Variants in PCDHGB4 observed in about 807,000 individuals in gnomAD.
PCDHGB4 encodes protocadherin gamma subfamily B, 4.
PCDHGB4 carries 38 observed loss-of-function variants against 60.5 expected under a neutral mutation model. The ratio of observed to expected loss-of-function variants is 0.63; its 90% CI spans 0.48 to 0.82. PCDHGB4 has a LOEUF of 0.82. PCDHGB4 is among the 40% of genes least tolerant of loss of function. The probability of loss-of-function intolerance (pLI) is 0.00; values close to 1 mark genes in which losing one functional copy is unlikely to be tolerated. For missense variants in PCDHGB4, 1,109 were observed against 1,209.6 expected, an observed-to-expected ratio of 0.92 and a Z score of 1.23; for synonymous variants, 456 against 509.7, an observed-to-expected ratio of 0.89 and a Z score of 1.42.
intron 1 of PCDHGB4, chr5:141,433,358 CCTATCTATCTAT>C (rs3074541): frequency 0.01 from 5,256 of 504,010 alleles, 38 homozygotes; most frequent in Non-Finnish European, 0.014. Flanking sequence ...CTACTGTCTG[CCTATCTATCTAT>C]CTATCTATCT....
chr5:141,512,942 C>T lies in PCDHGB4; in HGVS notation c.*1769C>T, dbSNP rs1596321854. 3.3e-5 allele frequency: 5 copies of T among 151,644 alleles called. No individual in the cohort carries two copies. The South Asian group carries it at 1.0e-3, about 32-fold the overall frequency. The allele number at this position is 151,644 out of a possible 1,614,324, so 9.4% of individuals were successfully genotyped here. On this transcript the variant is annotated 3_prime_UTR_variant, in exon 4 of 4. Transcript: ENST00000519479. Reference sequence around the variant, plus strand: ...TAATATTTATATGGCTTTTTTTCTTCGACAAAAAAATAATAAAACGTTTCT... The same window carrying T: ...TAATATTTATATGGCTTTTTTTCTTTGACAAAAAAATAATAAAACGTTTCT...
At position 141,491,305 on chromosome 5, in the gene PCDHGB4, G is replaced by T. The variant is rs1461861151; in HGVS notation, c.2398-3502G>T. 6.2e-7 allele frequency: 1 copy of T among 1,614,176 alleles called. No homozygotes were observed. Among genetic ancestry groups the T allele is most frequent in the African/African-American group, 1.3e-5 (1 of 75,048 alleles). ...CCTCATACACCCTCCTGAGCGTTCA[G>T]ACCTTACCCTTTACCTCATTGTGGC... On this transcript the variant is annotated intron_variant, in intron 1 of 3. Coordinates refer to ENST00000519479, the MANE Select transcript of PCDHGB4 (RefSeq NM_003736.4). This position sits in a 1 kb window ranked among gnomAD's most constrained non-coding sequence, Gnocchi z 6.9.
chr5:141,415,411 G>A (rs754595054), intron 1 of PCDHGB4: 45 of 1,614,112 alleles, frequency 2.8e-5, no homozygotes, highest in Non-Finnish European at 3.6e-5. Context: ...GCACTTTGTG[G>A]GCGTGGACGG....
intron 1 of PCDHGB4, chr5:141,419,960 G>A (rs773071584): frequency 5.0e-6 from 8 of 1,613,960 alleles, no homozygotes; most frequent in South Asian, 4.4e-5. Context: ...CTTGATTTCT[G>A]TGCTCTTTCT....
At chr5:141,423,722 GT>G in intron 1 of PCDHGB4, 1 of 954,176 alleles carries the variant, frequency 1.0e-6, no homozygotes, top group Admixed American at 5.1e-5. Flanking sequence ...TTAAGGAGAT[GT>G]TTTTTGAGCC....
At chr5:141,435,863 C>T (rs772361494) in intron 1 of PCDHGB4, among the ~76,000 whole-genome samples, 16 of 151,882 alleles carry the variant, frequency 1.1e-4, no homozygotes, top group Non-Finnish European at 2.2e-4. Context: ...TAGTTAAAAC[C>T]CAGAAAAGAG....
Position 141,400,079 on chromosome 5 carries a change from C to G in PCDHGB4, c.2397+9798C>G, listed in dbSNP as rs1377742612. On this transcript the variant is annotated intron_variant, in intron 1 of 3. Coordinates refer to ENST00000519479, the MANE Select transcript of PCDHGB4 (RefSeq NM_003736.4). ...CGTGATGGTGGACAGCCGCCACTCT[C>G]CGCCACCGCCACGCTGCACTTGGTC... 2.5e-6 allele frequency: 4 copies of G among 1,613,924 alleles called. No individual in the cohort carries two copies. In the East Asian group the frequency reaches 6.7e-5, roughly 27 times the overall value.
intron 1 of PCDHGB4, among the ~76,000 whole-genome samples, chr5:141,466,443 C>T (rs906096545): frequency 6.6e-6 from 1 of 152,186 alleles, no homozygotes; most frequent in African/African-American, 2.4e-5. Context: ...ACCGAGATGT[C>T]TATGGTGTTG....
chr5:141,423,864 G>A (rs180692491), intron 1 of PCDHGB4: 551 of 1,284,224 alleles, frequency 4.3e-4, no homozygotes, highest in Non-Finnish European at 5.0e-4. Context: ...TTTTGTGAAA[G>A]TCATTTTTCA....
intron 1 of PCDHGB4, chr5:141,441,038 G>A (rs1263659082): frequency 6.6e-6 from 1 of 152,156 alleles, no homozygotes; most frequent in African/African-American, 2.4e-5. Context: ...AAAACTTTAA[G>A]TACATTGGAC....
chr5:141,401,010 G>A (rs62378449), intron 1 of PCDHGB4, among the ~76,000 whole-genome samples: 17,448 of 152,052 alleles, frequency 0.11, 1,158 homozygotes, highest in African/African-American at 0.18. Context: ...CCTACCTAAT[G>A]GATTTATGAT....
At chr5:141,434,080 A>G (rs775751994) in intron 1 of PCDHGB4, among the ~76,000 whole-genome samples, 2 of 152,042 alleles carry the variant, frequency 1.3e-5, no homozygotes, top group Non-Finnish European at 2.9e-5. Flanking sequence ...TCAATTATTT[A>G]TTTTGATGCT....
At chr5:141,414,740 G>A (rs776833780) in intron 1 of PCDHGB4, 1 of 1,614,208 alleles carries the variant, frequency 6.2e-7, no homozygotes, top group South Asian at 1.1e-5. Flanking sequence ...TATGCACTCA[G>A]ATCCTTCGAC....
chr5:141,420,769 C>T (rs2096524721), intron 1 of PCDHGB4, among the ~76,000 whole-genome samples: 1 of 152,212 alleles, frequency 6.6e-6, no homozygotes, highest in Admixed American at 6.5e-5. Flanking sequence ...AAGTTTTCAG[C>T]TCCAGTAATA....
Position 141,433,059 on chromosome 5 carries a change from A to G in PCDHGB4, c.2397+42778A>G, listed in dbSNP as rs745951077. 1.1e-5 allele frequency: 18 copies of G among 1,614,000 alleles called. No individual in the cohort carries two copies. In the East Asian group the frequency reaches 3.8e-4, roughly 34 times the overall value. On this transcript the variant is annotated intron_variant, in intron 1 of 3. Transcript: ENST00000519479. ...CTCACCACGGACTCGCGGAAGAGTC[A>G]CCTGATCTTCCCCCAGCCCAACTAT...
intron 1 of PCDHGB4, chr5:141,399,493 A>G (rs2093820399): frequency 1.2e-6 from 2 of 1,614,036 alleles, no homozygotes; most frequent in African/African-American, 2.7e-5. Context: ...CTACTTAGTC[A>G]GTGTACCCGA....
chr5:141,415,102 A>C, intron 1 of PCDHGB4: 1 of 1,613,550 alleles, frequency 6.2e-7, no homozygotes. Flanking sequence ...AGACGCGCTC[A>C]AGCAAAGCCT....
At chr5:141,397,267 A>G (rs1411112086) in intron 1 of PCDHGB4, among the ~76,000 whole-genome samples, 1 of 152,230 alleles carries the variant, frequency 6.6e-6, no homozygotes, top group East Asian at 1.9e-4. Flanking sequence ...TCTTAGCTAC[A>G]TCATATGGGC....
intron 1 of PCDHGB4, chr5:141,409,675 AG>A (rs2095301185): frequency 1.9e-6 from 3 of 1,613,304 alleles, no homozygotes; most frequent in African/African-American, 2.7e-5. Flanking sequence ...CCTACTCTAT[AG>A]TGGCGAGTGA....
Sources: gnomAD v4.1 joint callset for allele counts (sites outside exome capture counted in the v4.1 genomes callset) on GRCh38, gnomAD v4.1.1 for gene constraint, Gnocchi (gnomAD v3.1) non-coding constraint, MANE v1.5 for transcripts, NCBI Gene and HGNC (gene_info 2026-07-23, HGNC 2026-07-21) for gene names.